Variants in PSD3 observed in about 807,000 individuals in gnomAD.
PSD3 encodes PH and SEC7 domain-containing protein 3.
PSD3 carries 49 observed loss-of-function variants against 105.5 expected under a neutral mutation model. The observed-to-expected ratio is 0.46, with a 90% CI of 0.37 to 0.59. The LOEUF (loss-of-function observed/expected upper bound fraction) is 0.59, where lower values mean the gene tolerates loss of function less well. PSD3 is among the 20% of genes least tolerant of loss of function. The pLI, the probability that PSD3 is intolerant of heterozygous loss-of-function variation, is 0.00. For synonymous variants in PSD3, 557 were observed against 457.8 expected (o/e 1.22, Z -2.77); for missense variants, 1,561 against 1,263.8 (o/e 1.24, Z -3.57).
intron 9 of PSD3, among the ~76,000 whole-genome samples, chr8:18,716,838 A>T (rs1802630244): frequency 6.6e-6 from 1 of 152,160 alleles, no homozygotes; most frequent in Admixed American, 6.5e-5. Flanking sequence ...AAAAGGCCTA[A>T]AAGGTAATAT....
At chr8:18,979,338 T>C (rs912735900) in intron 1 of PSD3, among the ~76,000 whole-genome samples, 1 of 152,246 alleles carries the variant, frequency 6.6e-6, no homozygotes, top group Non-Finnish European at 1.5e-5. Flanking sequence ...ATGTAATTTC[T>C]TTCTATTCAT....
intron 15 of PSD3, among the ~76,000 whole-genome samples, chr8:18,544,171 C>CAAAAAAAAAAAAAAAAAAAAACAAAAAA (rs1800310370): frequency 9.4e-6 from 1 of 106,692 alleles, no homozygotes; most frequent in Non-Finnish European, 1.8e-5. Context: ...AGAAACAAAC[C>CAAAAAAAAAAAAAAAAAAAAACAAAAAA]AAAAAAAAAA....
intron 8 of PSD3, among the ~76,000 whole-genome samples, chr8:18,792,336 A>G (rs1809800734): frequency 6.6e-6 from 1 of 152,220 alleles, no homozygotes. Context: ...CAAGGGCTGG[A>G]TAAAGAAAAT....
At chr8:18,797,750 C>A (rs1158393501) in intron 8 of PSD3, among the ~76,000 whole-genome samples, 3 of 152,128 alleles carry the variant, frequency 2.0e-5, no homozygotes, top group Non-Finnish European at 4.4e-5. Flanking sequence ...AGATCTGCAA[C>A]CTTTAAAGAG....
intron 9 of PSD3, among the ~76,000 whole-genome samples, chr8:18,752,600 TTATA>T (rs1563225733): frequency 2.4e-5 from 2 of 82,852 alleles, no homozygotes; most frequent in Non-Finnish European, 4.0e-5. Context: ...ATATTATATA[TTATA>T]TATAATACAT....
intron 1 of PSD3, among the ~76,000 whole-genome samples, chr8:19,063,698 T>C (rs1047332914): frequency 1.3e-5 from 2 of 152,184 alleles, no homozygotes; most frequent in African/African-American, 4.8e-5. Flanking sequence ...CCTAGAAGTG[T>C]GGTAGTGCGT....
intron 1 of PSD3, among the ~76,000 whole-genome samples, chr8:19,030,388 C>T (rs542949101): frequency 3.9e-5 from 6 of 152,098 alleles, no homozygotes; most frequent in Non-Finnish European, 7.4e-5. Flanking sequence ...ACCCAAATCT[C>T]GTGTTGAATT....
chr8:18,529,150 G>A lies in PSD3; in HGVS notation c.*6593C>T, dbSNP rs770389554. On this transcript the variant is annotated 3_prime_UTR_variant, in exon 16 of 16. Transcript: ENST00000327040. ...TGGGACTTCACCCAGGCTACGGAGA[G>A]ATGCTGGAGAGCTGCTGCTTGTGAA... is the stretch of plus-strand genomic sequence containing the variant. 2.0e-5 allele frequency: 3 copies of A among 152,206 alleles called. No homozygotes were observed. The highest frequency in any genetic ancestry group is 1.3e-4 in the Admixed American group (2 of 15,282). 9.4% of individuals were successfully genotyped at this position (152,206 alleles called of 1,614,324 possible).
chr8:18,882,846 TACACAC>T (rs139256546), intron 2 of PSD3, among the ~76,000 whole-genome samples: 1 of 150,114 alleles, frequency 6.7e-6, no homozygotes, highest in African/African-American at 2.4e-5. Context: ...TAGATATATA[TACACAC>T]ACACACACAC....
chr8:18,912,373 G>C (rs1225306723), intron 2 of PSD3, among the ~76,000 whole-genome samples: 2 of 152,156 alleles, frequency 1.3e-5, no homozygotes, highest in African/African-American at 2.4e-5. Context: ...AAGTGTTGCA[G>C]GTTCAGTCCA....
intron 9 of PSD3, among the ~76,000 whole-genome samples, chr8:18,762,178 T>C (rs923954686): frequency 5.9e-5 from 9 of 152,154 alleles, no homozygotes; most frequent in African/African-American, 2.2e-4. Flanking sequence ...CTCTCATGAA[T>C]GGGTTAGCAC....
intron 9 of PSD3, among the ~76,000 whole-genome samples, chr8:18,725,322 T>C (rs148048895): frequency 1.7e-3 from 260 of 152,292 alleles, no homozygotes; most frequent in African/African-American, 6.1e-3. Context: ...GGGACAGAAA[T>C]ATCAAAAGGA....
At chr8:18,894,359 T>C (rs190674832) in intron 2 of PSD3, among the ~76,000 whole-genome samples, 2 of 152,270 alleles carry the variant, frequency 1.3e-5, no homozygotes, top group Admixed American at 1.3e-4. Context: ...TGACTAAATA[T>C]AAGGCTCTAC....
intron 1 of PSD3, among the ~76,000 whole-genome samples, chr8:19,009,771 G>A (rs576444304): frequency 6.6e-6 from 1 of 151,888 alleles, no homozygotes; most frequent in East Asian, 1.9e-4. Context: ...TGTACCTGTG[G>A]TCCCAGCCAC....
At chr8:18,755,353 C>G (rs534179785) in intron 9 of PSD3, among the ~76,000 whole-genome samples, 14 of 152,120 alleles carry the variant, frequency 9.2e-5, no homozygotes, top group Non-Finnish European at 2.1e-4. Flanking sequence ...TCGCCTGAAC[C>G]TAGGAGGTAG....
intron 2 of PSD3, among the ~76,000 whole-genome samples, chr8:18,873,510 T>C (rs1192220388): frequency 6.6e-6 from 1 of 152,184 alleles, no homozygotes; most frequent in Admixed American, 6.5e-5. Context: ...TGCGTACCTT[T>C]GTAGACTAGC....
intron 12 of PSD3, among the ~76,000 whole-genome samples, chr8:18,579,214 T>C (rs1802655834): frequency 6.6e-6 from 1 of 151,950 alleles, no homozygotes; most frequent in African/African-American, 2.4e-5. Flanking sequence ...ACTAAGTTCA[T>C]TCTGACATCT....
intron 1 of PSD3, among the ~76,000 whole-genome samples, chr8:18,977,009 A>G (rs911165256): frequency 1.4e-4 from 21 of 152,254 alleles, no homozygotes; most frequent in Non-Finnish European, 2.8e-4. Flanking sequence ...GTCTAACGGT[A>G]TGAGTGTGGT....
intron 13 of PSD3, among the ~76,000 whole-genome samples, chr8:18,574,910 G>C (rs1802377719): frequency 1.3e-5 from 2 of 152,032 alleles, no homozygotes; most frequent in South Asian, 2.1e-4. Context: ...CTGACTAAAA[G>C]TCAAAGGGCT....
Sources: gnomAD v4.1 joint callset for allele counts (sites outside exome capture counted in the v4.1 genomes callset) on GRCh38, gnomAD v4.1.1 for gene constraint, MANE v1.5 for transcripts, NCBI Gene and HGNC (gene_info 2026-07-23, HGNC 2026-07-21) for gene names.